NOS1AP: variants seen among roughly 807,000 people sequenced by gnomAD.
NOS1AP encodes the protein carboxyl-terminal PDZ ligand of neuronal nitric oxide synthase protein.
In NOS1AP, 21 loss-of-function variants were observed where a neutral mutation model predicts 56.2. That is an observed-to-expected ratio of 0.37 (90% CI 0.26 to 0.54). NOS1AP has a LOEUF of 0.54. Ranked by LOEUF, NOS1AP falls within the 20% of genes least tolerant of loss-of-function variation. The probability of loss-of-function intolerance (pLI) is 0.84; values close to 1 mark genes in which losing one functional copy is unlikely to be tolerated. For missense variants in NOS1AP, 522 were observed against 657.8 expected (o/e 0.79, Z 2.26); for synonymous variants, 270 against 274.6 (o/e 0.98, Z 0.17).
chr1:162,101,576 G>T (rs1647267349), intron 1 of NOS1AP, among the ~76,000 whole-genome samples: 2 of 152,168 alleles, frequency 1.3e-5, no homozygotes, highest in Admixed American at 1.3e-4. Flanking sequence ...CCATGAGGAT[G>T]GAATGTTTTT....
intron 2 of NOS1AP, among the ~76,000 whole-genome samples, 194 bp from the exon 3 acceptor site, chr1:162,287,150 G>A (rs775188409): frequency 1.3e-5 from 2 of 152,140 alleles, no homozygotes; most frequent in Non-Finnish European, 2.9e-5. Context: ...AGACTATTCA[G>A]AGTCCCGTTT....
At chr1:162,113,869 A>G (rs1049821654) in intron 1 of NOS1AP, among the ~76,000 whole-genome samples, 1 of 152,154 alleles carries the variant, frequency 6.6e-6, no homozygotes, top group Non-Finnish European at 1.5e-5. Context: ...GCCACAGTAG[A>G]GCACTTGCCT....
chr1:162,309,802 A>T (rs1188216029), intron 4 of NOS1AP, among the ~76,000 whole-genome samples: 7 of 152,234 alleles, frequency 4.6e-5, no homozygotes, highest in Non-Finnish European at 8.8e-5. Context: ...TAATGCCTTT[A>T]TAAAGGGAAG....
intron 6 of NOS1AP, among the ~76,000 whole-genome samples, chr1:162,345,290 A>G (rs967126148): frequency 4.1e-5 from 6 of 145,738 alleles, no homozygotes; most frequent in Non-Finnish European, 7.5e-5. Flanking sequence ...ATATCTCCCA[A>G]AGCTATCCCT....
At chr1:162,300,597 T>C in intron 3 of NOS1AP, 36 bp from the exon 4 acceptor site, 1 of 1,575,588 alleles carries the variant, frequency 6.3e-7, no homozygotes, top group Non-Finnish European at 8.7e-7. Flanking sequence ...GCCCTGGTCC[T>C]GTAACTGAGG....
intron 1 of NOS1AP, among the ~76,000 whole-genome samples, chr1:162,120,852 C>G (rs1190618205): frequency 6.6e-6 from 1 of 152,224 alleles, no homozygotes; most frequent in Admixed American, 6.5e-5. Flanking sequence ...TCTCCACATT[C>G]TGTTGCCACT....
intron 2 of NOS1AP, among the ~76,000 whole-genome samples, chr1:162,224,395 T>C (rs559213086): frequency 9.8e-5 from 15 of 152,336 alleles, no homozygotes; most frequent in African/African-American, 3.1e-4. Flanking sequence ...TTCATTACCT[T>C]GGTTAAAACA....
At chr1:162,275,121 T>C (rs1040214986) in intron 2 of NOS1AP, among the ~76,000 whole-genome samples, 9 of 152,190 alleles carry the variant, frequency 5.9e-5, no homozygotes, top group African/African-American at 1.9e-4. Context: ...TTTGGTATCA[T>C]ATGTAGAAGT....
At chr1:162,324,901 C>T (rs1302807882) in intron 4 of NOS1AP, among the ~76,000 whole-genome samples, 5 of 152,126 alleles carry the variant, frequency 3.3e-5, no homozygotes, top group South Asian at 2.1e-4. Flanking sequence ...GACTGTGCTG[C>T]GATGAAGCAG....
At chr1:162,218,617 C>T (rs902750354) in intron 2 of NOS1AP, among the ~76,000 whole-genome samples, 2 of 152,182 alleles carry the variant, frequency 1.3e-5, no homozygotes, top group Non-Finnish European at 2.9e-5. Flanking sequence ...GAGATGATCA[C>T]ACATGTCGTT....
intron 2 of NOS1AP, among the ~76,000 whole-genome samples, chr1:162,245,418 A>G (rs1653630695): frequency 6.6e-6 from 1 of 152,240 alleles, no homozygotes; most frequent in South Asian, 2.1e-4. Context: ...GAACTCTCAC[A>G]TAATGCTGGT....
rs1315266163 is a variant in NOS1AP, at chr1:162,292,935, AGGAC to A, written c.270+5500_270+5503del. Reference sequence around the variant, plus strand: ...TAAGAGAAGTCCAGTGACTGTCCCTAGGACCCCCAGGTAGTTACTGGCAGCCAGG... The same window carrying A: ...TAAGAGAAGTCCAGTGACTGTCCCTACCCCAGGTAGTTACTGGCAGCCAGG... On this transcript the variant is annotated intron_variant, in intron 3 of 9. Transcript: ENST00000361897. Among the ~76,000 whole-genome samples, 8 of 152,294 alleles carry A rather than the reference AGGAC, an allele frequency of 5.3e-5. No individual in the cohort carries two copies. The East Asian group carries it at 1.5e-3, about 29-fold the overall frequency.
chr1:162,343,900 G>T lies in NOS1AP; in HGVS notation c.519G>T (p.Leu173=). The change falls in exon 6 of 10, where the codon CTG becomes CTT. Residue 173 remains leucine, a synonymous_variant. Coordinates refer to ENST00000361897, the MANE Select transcript of NOS1AP (RefSeq NM_014697.3). The part of the protein sequence containing the change: ...QAFEVCHKLS[L]QHTQQNADGQ... ...TTGAGGTCTGCCACAAGCTGAGCCT[G>T]CAGCACACGCAGCAGAATGCAGATG... 6.2e-7 allele frequency: 1 copy of T among 1,614,144 alleles called. No homozygotes were observed. Among genetic ancestry groups the T allele is most frequent in the South Asian group, 1.1e-5 (1 of 91,086 alleles).
intron 8 of NOS1AP, among the ~76,000 whole-genome samples, chr1:162,361,690 T>G (rs1481301454): frequency 6.6e-6 from 1 of 152,212 alleles, no homozygotes; most frequent in Non-Finnish European, 1.5e-5. Context: ...AAAACTCTTA[T>G]TTAATCTGGT....
intron 2 of NOS1AP, among the ~76,000 whole-genome samples, chr1:162,175,439 G>C (rs1211117054): frequency 2.0e-5 from 3 of 152,022 alleles, no homozygotes; most frequent in Non-Finnish European, 4.4e-5. Context: ...AAAACTCTTT[G>C]ATTTGGCTCT....
Position 162,287,367 on chromosome 1 carries a change from CAAG to C in NOS1AP, c.210_212del (p.Lys71del). 1 of 1,612,756 alleles carries C rather than the reference CAAG, an allele frequency of 6.2e-7. No homozygotes were observed. The highest frequency in any genetic ancestry group is 8.5e-7 in the Non-Finnish European group (1 of 1,178,844). On this transcript the variant is annotated inframe_deletion, in exon 3 of 10. Transcript: ENST00000361897. The stretch of plus-strand genomic sequence containing the variant: ...AGTATGAGTTTAAAGCCAAGAACAT[CAAG>C]AAGAAGAAAGTGAGCATTATGGTTT...
At chr1:162,144,076 T>C (rs1336899549) in intron 1 of NOS1AP, among the ~76,000 whole-genome samples, 2 of 152,230 alleles carry the variant, frequency 1.3e-5, no homozygotes, top group Admixed American at 6.5e-5. Context: ...GTCATTCAGA[T>C]GAACCAAATA....
chr1:162,268,416 C>T (rs1310032175), intron 2 of NOS1AP, among the ~76,000 whole-genome samples: 1 of 152,120 alleles, frequency 6.6e-6, no homozygotes, highest in Non-Finnish European at 1.5e-5. Context: ...AAGGTTTCTG[C>T]AACTAGAAGG....
chr1:162,208,521 C>T (rs1176575757), intron 2 of NOS1AP, among the ~76,000 whole-genome samples: 1 of 152,158 alleles, frequency 6.6e-6, no homozygotes, highest in African/African-American at 2.4e-5. Flanking sequence ...ATTACCACCA[C>T]CATTTTGGAC....
Sources: gnomAD v4.1 joint callset for allele counts (sites outside exome capture counted in the v4.1 genomes callset) on GRCh38, gnomAD v4.1.1 for gene constraint, MANE v1.5 for transcripts, NCBI Gene and HGNC (gene_info 2026-07-23, HGNC 2026-07-21) for gene names.